The following UNC13D variants were observed in gnomAD, a reference collection of about 807,000 sequenced individuals.
The protein encoded by UNC13D is protein unc-13 homolog D.
A neutral mutation model predicts 151.7 loss-of-function variants in UNC13D; 115 were observed. The observed-to-expected ratio is 0.76, with a 90% CI of 0.65 to 0.88. The LOEUF (loss-of-function observed/expected upper bound fraction) is 0.88. UNC13D is among the 40% of genes least tolerant of loss of function. The probability of loss-of-function intolerance (pLI) is 0.00; values close to 1 mark genes in which losing one functional copy is unlikely to be tolerated. For synonymous variants in UNC13D, 588 were observed against 612.2 expected, an observed-to-expected ratio of 0.96 and a Z score of 0.58; for missense variants, 1,369 against 1,438.7, an observed-to-expected ratio of 0.95 and a Z score of 0.78.
chr17:75,834,343 G>A lies in UNC13D; in HGVS notation c.2280C>T (p.Val760=), dbSNP rs2064891793. The A allele has an allele frequency of 2.5e-6, 4 of 1,594,776 alleles. No homozygotes were observed. The highest frequency in any genetic ancestry group is 1.1e-5 in the South Asian group (1 of 90,524). The change falls in exon 23 of 32, where the codon GTC becomes GTT. Residue 760 remains valine (V), a synonymous_variant. Transcript: ENST00000207549. The part of the protein sequence containing the change: ...AGLGHEIRTG[V]RTLAEQLEVG... ...AAGGTACCTGCTCGGCCAGGGTGCG[G>A]ACGCCAGTGCGGATCTCATGGCCCA...
rs760662848 is a variant in UNC13D at position 75,841,034 on chromosome 17, T to C, written c.570-33A>G. The C allele has an allele frequency of 2.5e-5, 41 of 1,611,552 alleles. No individual in the cohort carries two copies. The Admixed American group carries it at 6.9e-4, about 27-fold the overall frequency. ...GAGAAAAGGGCGTGGTTGAGGGCCC[T>C]GGAGGGTGGATGCCCCCAGACGAAG... On this transcript the variant is annotated intron_variant, in intron 6 of 31. Transcript: ENST00000207549.
At position 75,840,919 on chromosome 17, in the gene UNC13D, T is replaced by A. The variant is rs773721675; in HGVS notation, c.614+38A>T. 12 of 1,614,020 alleles carry A rather than the reference T, an allele frequency of 7.4e-6. 1 individual carries two copies. In the South Asian group the frequency reaches 1.3e-4, roughly 18 times the overall value. Reference sequence around the variant, plus strand: ...TTCCGCCTCTCTCACCCCAGATCCCTTCCCTTCCCATCCCTAGGGGCAGGC... The same window carrying A: ...TTCCGCCTCTCTCACCCCAGATCCCATCCCTTCCCATCCCTAGGGGCAGGC... On this transcript the variant is annotated intron_variant, in intron 7 of 31. Coordinates refer to ENST00000207549, the MANE Select transcript of UNC13D (RefSeq NM_199242.3). This position sits in a 1 kb window ranked among gnomAD's most constrained non-coding sequence, Gnocchi z 4.6.
rs757943996 is a variant in UNC13D, at chr17:75,840,813, T to G, written c.632A>C (p.Glu211Ala). ...HLDMWDLDTV[E>A]SVRQKLGELT... Reference sequence around the variant, plus strand: ...CTCCCCAAGCTTCTGTCGGACAGACTCCACAGTGTCCAGGTCCCTGGCAGG... The same window carrying G: ...CTCCCCAAGCTTCTGTCGGACAGACGCCACAGTGTCCAGGTCCCTGGCAGG... The change falls in exon 8 of 32, where the codon GAG becomes GCG. Residue 211 changes from glutamate (E) to alanine (A), a missense_variant. This residue lies in a region of UNC13D where 550 missense variants were observed against 609.0 expected (regional missense o/e 0.90). Transcript: ENST00000207549. This position sits in a 1 kb window ranked among gnomAD's most constrained non-coding sequence, Gnocchi z 4.6. The G allele has an allele frequency of 1.3e-5, 21 of 1,613,948 alleles. No individual in the cohort carries two copies. Among genetic ancestry groups the G allele is most frequent in the Non-Finnish European group, 1.8e-5 (21 of 1,180,006 alleles).
intron 12 of UNC13D, among the ~76,000 whole-genome samples, chr17:75,839,493 T>G (rs916915923): frequency 6.6e-5 from 10 of 152,016 alleles, no homozygotes; most frequent in African/African-American, 2.4e-4. Context: ...GGATGGTATG[T>G]CAAATCTCCA....
Position 75,836,801 on chromosome 17 carries a change from CTGTT to C in UNC13D, c.1169_1172del (p.Glu390GlyfsTer13), listed in dbSNP as rs1291585230. ...GTGCCCCTTGCCACTGCATGCCTAC[CTGTT>C]CTGCCTTGAGCCGACCCTGGATCCA... On this transcript the variant is annotated frameshift_variant and splice_region_variant, in exon 13 of 32. Transcript: ENST00000207549. LOFTEE classifies it high-confidence loss of function. 6.2e-7 allele frequency: 1 copy of C among 1,613,800 alleles called. No homozygotes were observed. The highest frequency in any genetic ancestry group is 8.5e-7 in the Non-Finnish European group (1 of 1,180,042).
intron 30 of UNC13D, 58 bp downstream of exon 30, chr17:75,829,970 G>C: frequency 6.4e-7 from 1 of 1,556,708 alleles, no homozygotes. Context: ...GCAGGCCTGA[G>C]GGAGCCCAGT....
chr17:75,841,081 A>G, intron 6 of UNC13D, 80 bp from the exon 7 acceptor site: 1 of 1,533,964 alleles, frequency 6.5e-7, no homozygotes, highest in Non-Finnish European at 9.0e-7. Context: ...CACAGCCCAG[A>G]GCCATGGAGT....
At position 75,835,740 on chromosome 17, in the gene UNC13D, C is replaced by T; in HGVS notation, c.1634G>A (p.Gly545Asp). 5 of 1,613,862 alleles carry T rather than the reference C, an allele frequency of 3.1e-6. No homozygotes were observed. The highest frequency in any genetic ancestry group is 3.4e-6 in the Non-Finnish European group (4 of 1,180,042). Residue 545 changes from glycine to aspartate, a missense_variant, in exon 19 of 32, where the codon GGT (glycine) becomes GAT (aspartate). This residue lies in a region of UNC13D where 807 missense variants were observed against 795.5 expected (regional missense o/e 1.01). Coordinates refer to ENST00000207549, the MANE Select transcript of UNC13D (RefSeq NM_199242.3). ...GCCCATCTCTGGGGACACTACATCA[C>T]CCACAACCGTCGTGTGGTCCTGCAC... Reference protein sequence around the residue: ...KRVQDHTTVVGDVVSPEMGES... With the variant: ...KRVQDHTTVVDDVVSPEMGES...
chr17:75,831,673 C>T, intron 25 of UNC13D: 2 of 412,898 alleles, frequency 4.8e-6, no homozygotes, highest in Non-Finnish European at 8.9e-6. Context: ...TGATTTAAGA[C>T]AGAACCAGGC....
chr17:75,839,262 C>T (rs1001431876), intron 12 of UNC13D, among the ~76,000 whole-genome samples: 5 of 151,950 alleles, frequency 3.3e-5, no homozygotes, highest in African/African-American at 4.8e-5. Context: ...GTTAGCTGGG[C>T]GTGGTGGCGC....
chr17:75,833,247 C>T lies in UNC13D; in HGVS notation c.2368-202G>A, dbSNP rs1599405969. On this transcript the variant is annotated intron_variant, in intron 24 of 31. Coordinates refer to ENST00000207549, the MANE Select transcript of UNC13D (RefSeq NM_199242.3). The surrounding 1 kb of genome is among the most constrained non-coding windows in gnomAD (Gnocchi z 4.0). ...CCTGTCCCAGCCACACTGGCCTCCT[C>T]TACAGCCCTGGAACCTTCCAGGCAT... 1 of 539,856 alleles carries T rather than the reference C, an allele frequency of 1.9e-6. No individual in the cohort carries two copies. Among genetic ancestry groups the T allele is most frequent in the Non-Finnish European group, 3.4e-6 (1 of 290,028 alleles). The allele number at this position is 539,856 out of a possible 1,614,324, so 33.4% of individuals were successfully genotyped here. A position where few individuals can be genotyped will look rare whatever the true frequency, so the allele number is the denominator to read the frequency against.
chr17:75,836,736 C>G, intron 13 of UNC13D, 40 bp from the exon 14 acceptor site: 1 of 1,613,436 alleles, frequency 6.2e-7, no homozygotes, highest in Middle Eastern at 1.7e-4. Flanking sequence ...TAGACAGCTG[C>G]TGCTGCTCCC....
At chr17:75,843,936 G>C in intron 1 of UNC13D, 1 of 1,386,132 alleles carries the variant, frequency 7.2e-7, no homozygotes, top group Non-Finnish European at 9.4e-7. Flanking sequence ...TAATGGAGTC[G>C]GCTCTTCTGA....
Position 75,842,910 on chromosome 17 carries a change from C to G in UNC13D, c.335G>C (p.Cys112Ser), listed in dbSNP as rs141540493. 5.4e-5 allele frequency: 87 copies of G among 1,613,486 alleles called. No individual in the cohort carries two copies. The highest frequency in any genetic ancestry group is 6.9e-5 in the Non-Finnish European group (82 of 1,180,006). Residue 112 changes from cysteine to serine, a missense_variant, in exon 5 of 32, where the codon TGT becomes TCT. This residue lies in a region of UNC13D where 550 missense variants were observed against 609.0 expected (regional missense o/e 0.90). Transcript: ENST00000207549. ...RVRELEKPIFCLKATVKQAKG... is the reference protein window; with the variant it reads ...RVRELEKPIFSLKATVKQAKG... The stretch of plus-strand genomic sequence containing the variant: ...GGCCTGTTTCACTGTTGCCTTCAGA[C>G]AAAATATTGGCTTCTGGAGGGACAG...
rs78957207 is a variant in UNC13D at position 75,835,102 on chromosome 17, C to A, written c.1849-39G>T. On this transcript the variant is annotated intron_variant, in intron 20 of 31. Transcript: ENST00000207549. ...GGAGGACTCAGGATACTGCCAAATCCACCCCCTTCCCTCCTTCCTTCATTC... is the reference window on the plus strand; with the variant it reads ...GGAGGACTCAGGATACTGCCAAATCAACCCCCTTCCCTCCTTCCTTCATTC... 4,341 of 1,611,628 alleles carry A rather than the reference C, an allele frequency of 2.7e-3. 113 individuals are homozygous for A. The African/African-American group carries it at 0.053, about 20-fold the overall frequency.
intron 31 of UNC13D, 34 bp from the exon 32 acceptor site, chr17:75,828,120 G>A (rs940263645): frequency 1.9e-6 from 3 of 1,565,496 alleles, no homozygotes; most frequent in Admixed American, 1.9e-5. Flanking sequence ...TCAGATGCCA[G>A]GGGAGAGGGC....
Position 75,840,805 on chromosome 17 carries a change from G to T in UNC13D, c.640C>A (p.Arg214=). ...MWDLDTVESV[R]QKLGELTDLH... is the part of the protein sequence containing the mutation. ...TCCGTGAGCTCCCCAAGCTTCTGTC[G>T]GACAGACTCCACAGTGTCCAGGTCC... Residue 214 remains arginine, a synonymous_variant, in exon 8 of 32, where the codon CGA becomes AGA. Transcript: ENST00000207549. This position sits in a 1 kb window ranked among gnomAD's most constrained non-coding sequence, Gnocchi z 4.6. The T allele has an allele frequency of 6.2e-7, 1 of 1,613,890 alleles. No individual in the cohort carries two copies. The highest frequency in any genetic ancestry group is 8.5e-7 in the Non-Finnish European group (1 of 1,179,940).
At position 75,840,083 on chromosome 17, in the gene UNC13D, G is replaced by A; in HGVS notation, c.886C>T (p.Pro296Ser). 1 of 1,613,128 alleles carries A rather than the reference G, an allele frequency of 6.2e-7. No homozygotes were observed. The highest frequency in any genetic ancestry group is 8.5e-7 in the Non-Finnish European group (1 of 1,179,896). Residue 296 changes from proline (P) to serine (S), a missense_variant, in exon 11 of 32, where the codon CCG becomes TCG. Coordinates refer to ENST00000207549, the MANE Select transcript of UNC13D (RefSeq NM_199242.3). The surrounding 1 kb of genome is among the most constrained non-coding windows in gnomAD (Gnocchi z 4.6). ...RRATSASRSQ[P>S]SYTVHLHLLQ... ...AGGTGGAGGTGCACGGTGTAGCTCGGCTGCGAGCGGCTGGCCGAAGTGGCT... is the reference window on the plus strand; with the variant it reads ...AGGTGGAGGTGCACGGTGTAGCTCGACTGCGAGCGGCTGGCCGAAGTGGCT...
At chr17:75,834,250 T>TG in intron 23 of UNC13D, 75 bp downstream of exon 23, 1 of 1,583,846 alleles carries the variant, frequency 6.3e-7, no homozygotes. Context: ...GGTTGGACCT[T>TG]GGCCCAGGTG....
Sources: gnomAD v4.1 joint callset for allele counts (sites outside exome capture counted in the v4.1 genomes callset) on GRCh38, gnomAD v4.1.1 for gene constraint, gnomAD v4.1.1 regional missense constraint, Gnocchi (gnomAD v3.1) non-coding constraint, MANE v1.5 for transcripts, NCBI Gene and HGNC (gene_info 2026-07-23, HGNC 2026-07-21) for gene names.